Variants in CEP192 observed in about 807,000 individuals in gnomAD.
The protein encoded by CEP192 is centrosomal protein 192.
In CEP192, 151 loss-of-function variants were observed where a neutral mutation model predicts 271.8. That is an observed-to-expected ratio of 0.56 (90% confidence interval 0.49 to 0.64). CEP192 has a LOEUF of 0.64. Ranked by LOEUF, CEP192 falls within the 30% of genes least tolerant of loss-of-function variation. CEP192 has a pLI of 0.00. For missense variants in CEP192, 2,910 were observed against 3,020.5 expected (o/e 0.96, Z 0.86); for synonymous variants, 995 against 1,076.5 (o/e 0.92, Z 1.48).
intron 21 of CEP192, among the ~76,000 whole-genome samples, chr18:13,067,485 T>A (rs1414922415): frequency 6.6e-6 from 1 of 152,222 alleles, no homozygotes; most frequent in African/African-American, 2.4e-5. Flanking sequence ...AAGATATTCA[T>A]GATCTTTTTA....
rs746429883 is a variant in CEP192 at position 13,092,378 on chromosome 18, A to C, written c.6105A>C (p.Val2035=). ...AFQDELLVTE[V]YDLPQRPNDV... is the part of the protein sequence containing the mutation. The stretch of plus-strand genomic sequence containing the variant: ...TTCAAACATTATTTTCTATTTCAGT[A>C]TATGATCTTCCCCAACGACCTAATG... Residue 2035 remains valine (V), a splice_region_variant and synonymous_variant, in exon 34 of 45, where the codon GTA becomes GTC. Transcript: ENST00000506447. The C allele has an allele frequency of 1.9e-6, 3 of 1,581,950 alleles. No homozygotes were observed. The highest frequency in any genetic ancestry group is 8.6e-7 in the Non-Finnish European group (1 of 1,158,796).
intron 9 of CEP192, among the ~76,000 whole-genome samples, chr18:13,021,941 G>T (rs920441867): frequency 6.6e-6 from 1 of 152,096 alleles, no homozygotes; most frequent in Non-Finnish European, 1.5e-5. Flanking sequence ...TGATTTTTGT[G>T]TGCTGATCTT....
At chr18:13,010,599 C>T (rs2034284189) in intron 4 of CEP192, among the ~76,000 whole-genome samples, 1 of 152,204 alleles carries the variant, frequency 6.6e-6, no homozygotes, top group South Asian at 2.1e-4. Context: ...GTAATCTCAG[C>T]ACTTTGGGTG....
chr18:13,060,975 A>G (rs1268819618), intron 21 of CEP192, among the ~76,000 whole-genome samples: 4 of 151,786 alleles, frequency 2.6e-5, no homozygotes, highest in African/African-American at 9.7e-5. Flanking sequence ...ATTGAACTTA[A>G]CATATTTAGC....
chr18:13,102,713 C>T (rs925079894), intron 38 of CEP192, among the ~76,000 whole-genome samples: 2 of 152,216 alleles, frequency 1.3e-5, no homozygotes, highest in Non-Finnish European at 2.9e-5. Context: ...TGCTCCTGCT[C>T]GGATCCCTTG....
At chr18:13,123,250 G>T (rs985963044) in intron 44 of CEP192, among the ~76,000 whole-genome samples, 3 of 152,114 alleles carry the variant, frequency 2.0e-5, no homozygotes, top group Non-Finnish European at 4.4e-5. Flanking sequence ...GGCCAGGTTA[G>T]ATTTTTTTTA....
rs1026499522 is a variant in CEP192 at position 13,012,964 on chromosome 18, C to G, written c.467-9C>G. 3 of 1,487,842 alleles carry G rather than the reference C, an allele frequency of 2.0e-6. No homozygotes were observed. The highest frequency in any genetic ancestry group is 1.4e-5 in the African/African-American group (1 of 71,390). The allele number at this position is 1,487,842 out of a possible 1,614,324, so 92.2% of individuals were successfully genotyped here. A position where few individuals can be genotyped will look rare whatever the true frequency, so the allele number is the denominator to read the frequency against. On this transcript the variant is annotated splice_polypyrimidine_tract_variant and intron_variant, in intron 4 of 44. Coordinates refer to ENST00000506447, the MANE Select transcript of CEP192 (RefSeq NM_032142.4). ...TGGTCTCTCAGTTTGTTTTTGTTTT[C>G]TTACACAGACTCACCTATTGATTTT...
At chr18:13,082,492 C>T (rs1415963971) in intron 30 of CEP192, among the ~76,000 whole-genome samples, 1 of 134,220 alleles carries the variant, frequency 7.5e-6, no homozygotes, top group African/African-American at 3.0e-5. Context: ...TCCTTCATCC[C>T]TTTATTTTGA....
chr18:13,122,055 A>G (rs2040686734), intron 44 of CEP192, among the ~76,000 whole-genome samples: 1 of 152,018 alleles, frequency 6.6e-6, no homozygotes, highest in Non-Finnish European at 1.5e-5. Flanking sequence ...TTGGGAGGCC[A>G]AGACGGGCGG....
At chr18:13,004,172 T>G (rs2033834784) in intron 3 of CEP192, among the ~76,000 whole-genome samples, 1 of 152,150 alleles carries the variant, frequency 6.6e-6, no homozygotes, top group African/African-American at 2.4e-5. Context: ...CTACTCAGAA[T>G]GAGTTTCAGA....
chr18:13,031,791 C>T (rs576039787), intron 11 of CEP192, among the ~76,000 whole-genome samples: 2 of 152,038 alleles, frequency 1.3e-5, no homozygotes, highest in South Asian at 2.1e-4. Context: ...AAATGTTGCA[C>T]GAGTAGGTAG....
At chr18:13,018,676 A>T (rs905023667) in intron 8 of CEP192, 61 bp downstream of exon 8, 8 of 1,132,870 alleles carry the variant, frequency 7.1e-6, no homozygotes, top group African/African-American at 3.2e-5. Context: ...ACTTTTTTTA[A>T]AAAAAAAATA....
chr18:13,043,265 A>G (rs1026344321), intron 15 of CEP192, among the ~76,000 whole-genome samples: 3 of 152,198 alleles, frequency 2.0e-5, no homozygotes, highest in Non-Finnish European at 4.4e-5. Flanking sequence ...TGTTGTTTAC[A>G]TTGGATAGGA....
intron 36 of CEP192, among the ~76,000 whole-genome samples, chr18:13,099,268 G>C (rs1214604118): frequency 6.6e-6 from 1 of 152,068 alleles, no homozygotes; most frequent in African/African-American, 2.4e-5. Context: ...GTTCATGCTG[G>C]TGAGTTCCTT....
rs1188618727 is a variant in CEP192 at position 13,089,451 on chromosome 18, G to A, written c.5994-5G>A. On this transcript the variant is annotated splice_region_variant and splice_polypyrimidine_tract_variant and intron_variant, in intron 32 of 44. Coordinates refer to ENST00000506447, the MANE Select transcript of CEP192 (RefSeq NM_032142.4). ...TAAATAATAAAAAAAAATCTCTCCTGGCAGGGCCCTGTTACATAAACCAGA... is the reference window on the plus strand; with the variant it reads ...TAAATAATAAAAAAAAATCTCTCCTAGCAGGGCCCTGTTACATAAACCAGA... 2.7e-6 allele frequency: 4 copies of A among 1,459,856 alleles called. No individual in the cohort carries two copies. The highest frequency in any genetic ancestry group is 2.8e-6 in the Non-Finnish European group (3 of 1,067,476). 90.4% of individuals were successfully genotyped at this position (1,459,856 alleles called of 1,614,324 possible).
chr18:12,993,055 G>C (rs1160392617), intron 1 of CEP192, among the ~76,000 whole-genome samples: 1 of 152,186 alleles, frequency 6.6e-6, no homozygotes, highest in Non-Finnish European at 1.5e-5. Flanking sequence ...TGGGAGACTC[G>C]TGTGATAGTT....
At chr18:13,111,791 A>G (rs1200897443) in intron 40 of CEP192, among the ~76,000 whole-genome samples, 2 of 152,244 alleles carry the variant, frequency 1.3e-5, no homozygotes, top group African/African-American at 2.4e-5. Context: ...GAAATGGCCC[A>G]ATTTTTTAAG....
chr18:13,024,960 T>G (rs929778423), intron 9 of CEP192, among the ~76,000 whole-genome samples: 5 of 148,042 alleles, frequency 3.4e-5, no homozygotes, highest in African/African-American at 1.2e-4. Context: ...TTAGTAGAGA[T>G]GGAGTTTCAC....
intron 36 of CEP192, among the ~76,000 whole-genome samples, chr18:13,098,276 A>AC (rs958669324): frequency 3.5e-5 from 5 of 144,724 alleles, no homozygotes; most frequent in Admixed American, 6.9e-5. Context: ...GCGGGGGCTG[A>AC]CCCCCCACCT....
Sources: gnomAD v4.1 joint callset for allele counts (sites outside exome capture counted in the v4.1 genomes callset) on GRCh38, gnomAD v4.1.1 for gene constraint, MANE v1.5 for transcripts, NCBI Gene and HGNC (gene_info 2026-07-23, HGNC 2026-07-21) for gene names.